CNTNAP3B: variants seen among roughly 807,000 people sequenced by gnomAD.
The protein encoded by CNTNAP3B is contactin-associated protein-like 3B.
CNTNAP3B carries 25 observed loss-of-function variants against 108.9 expected under a neutral mutation model. The observed-to-expected ratio is 0.23, with a 90% CI of 0.17 to 0.32. The LOEUF is 0.32. CNTNAP3B is among the 10% of genes least tolerant of loss of function. CNTNAP3B has a pLI of 1.00. For missense variants in CNTNAP3B, 252 were observed against 1,210.4 expected (o/e 0.21, Z 11.75); for synonymous variants, 103 against 473.4 (o/e 0.22, Z 10.16).
At chr9:41,927,600 T>C (rs1355531659) in intron 15 of CNTNAP3B, among the ~76,000 whole-genome samples, 3 of 146,718 alleles carry the variant, frequency 2.0e-5, no homozygotes, top group Non-Finnish European at 4.5e-5. Context: ...AGGAAGGAAA[T>C]TAAGAGAGAA....
intron 3 of CNTNAP3B, among the ~76,000 whole-genome samples, chr9:42,037,270 T>A: frequency 2.0e-5 from 2 of 99,690 alleles, no homozygotes; most frequent in African/African-American, 4.0e-5. Context: ...TAAAGTATAA[T>A]TAAAAAAAAA....
chr9:42,111,205 T>A (rs542422969), intron 1 of CNTNAP3B, among the ~76,000 whole-genome samples: 2 of 139,668 alleles, frequency 1.4e-5, no homozygotes, highest in African/African-American at 5.7e-5. Context: ...CCTGGGACTT[T>A]CGAATGAATA....
chr9:42,024,683 AAG>A (rs1491010268), intron 3 of CNTNAP3B, among the ~76,000 whole-genome samples: 9 of 124,074 alleles, frequency 7.3e-5, no homozygotes, highest in African/African-American at 2.1e-4. Flanking sequence ...AAAAAAAAAA[AAG>A]AAAAAAAAAC....
At chr9:41,930,108 G>T (rs1035087517) in intron 14 of CNTNAP3B, among the ~76,000 whole-genome samples, 2 of 152,274 alleles carry the variant, frequency 1.3e-5, no homozygotes, top group South Asian at 4.1e-4. Context: ...ATGATTACTG[G>T]GTATTTCTTT....
chr9:41,961,938 T>C (rs1406536835), intron 11 of CNTNAP3B, among the ~76,000 whole-genome samples: 1 of 152,310 alleles, frequency 6.6e-6, no homozygotes, highest in Non-Finnish European at 1.5e-5. Flanking sequence ...TTTAAATAGA[T>C]ACATATATTT....
At chr9:41,938,917 G>A (rs1824242519) in intron 13 of CNTNAP3B, among the ~76,000 whole-genome samples, 2 of 152,218 alleles carry the variant, frequency 1.3e-5, no homozygotes, top group African/African-American at 4.8e-5. Flanking sequence ...TGCATTGGAT[G>A]TCCTGACTCT....
chr9:41,921,099 T>C (rs1201933659), intron 17 of CNTNAP3B, among the ~76,000 whole-genome samples: 1 of 152,312 alleles, frequency 6.6e-6, no homozygotes, highest in Non-Finnish European at 1.5e-5. Flanking sequence ...TCCAATTCGG[T>C]GGGCCTAAGG....
chr9:42,119,371 G>A (rs1828404417), intron 1 of CNTNAP3B, among the ~76,000 whole-genome samples: 2 of 133,316 alleles, frequency 1.5e-5, no homozygotes, highest in Admixed American at 7.5e-5. Context: ...TCATGGGTAG[G>A]AAGAATCAGT....
In CNTNAP3B at chr9:41,983,711, T is replaced by G. The variant is rs1825675186; in HGVS notation, c.1477+2457A>C. On this transcript the variant is annotated intron_variant, in intron 9 of 23. Transcript: ENST00000377561. ...GGCATGGCTGCATTTTTCTGAGGAC[T>G]CCTATGTTATCATCCACTCAAGATA... 2 of 91,762 alleles carry G rather than the reference T, an allele frequency of 2.2e-5. 1 individual carries two copies. The highest frequency in any genetic ancestry group is 6.5e-4 in the South Asian group (2 of 3,100). The allele number at this position is 91,762 out of a possible 1,614,324, so 5.7% of individuals were successfully genotyped here. A position where few individuals can be genotyped will look rare whatever the true frequency, so the allele number is the denominator to read the frequency against.
chr9:42,129,199 C>G lies in CNTNAP3B; in HGVS notation c.-105G>C, dbSNP rs1240291317. 15 of 1,438,406 alleles carry G rather than the reference C, an allele frequency of 1.0e-5. 4 individuals carry two copies. The African/African-American group carries it at 1.7e-4, about 16-fold the overall frequency. 89.1% of individuals were successfully genotyped at this position (1,438,406 alleles called of 1,614,324 possible). On this transcript the variant is annotated 5_prime_UTR_variant, in exon 1 of 24. Transcript: ENST00000377561. The stretch of plus-strand genomic sequence containing the variant: ...ACTCCCGTCCCCTGCGCGGCTCCGA[C>G]GCTGCTCTGTCTCCCCTGTCCAGTC...
At chr9:41,933,526 G>A (rs1824044751) in intron 14 of CNTNAP3B, among the ~76,000 whole-genome samples, 1 of 152,246 alleles carries the variant, frequency 6.6e-6, no homozygotes. Flanking sequence ...TTACATTTTT[G>A]TTAATATTGC....
Position 42,096,113 on chromosome 9 carries a change from C to T in CNTNAP3B, c.196+8516G>A, listed in dbSNP as rs1242983491. On this transcript the variant is annotated intron_variant, in intron 2 of 23. Transcript: ENST00000377561. ...GGCCACCAGAGCTGCCGCAGGGCGT[C>T]CAGTCCTGTCACTGAATGTGCCGCA... 4.3e-5 allele frequency among the ~76,000 whole-genome samples: 6 copies of T among 140,084 alleles called. No individual in the cohort carries two copies. The East Asian group carries it at 1.3e-3, about 30-fold the overall frequency. The allele number at this position is 140,084 out of a possible 152,430, so 91.9% of individuals were successfully genotyped here.
intron 1 of CNTNAP3B, among the ~76,000 whole-genome samples, chr9:42,107,890 G>A (rs1296613536): frequency 7.9e-6 from 1 of 126,990 alleles, no homozygotes; most frequent in Admixed American, 8.0e-5. Context: ...CAGGAGAATC[G>A]CTTGAACCTG....
chr9:42,003,410 A>C (rs1053066263), intron 4 of CNTNAP3B, among the ~76,000 whole-genome samples: 2 of 88,370 alleles, frequency 2.3e-5, no homozygotes, highest in African/African-American at 7.6e-5. Context: ...AAAAAAAAAA[A>C]AACACGATTC....
Position 42,041,282 on chromosome 9 carries a change from C to T in CNTNAP3B, c.391-27757G>A, listed in dbSNP as rs1040135829. Reference sequence around the variant, plus strand: ...AGCTTCTGCATAGTAAAAGAAACTACCATCAGAGTGAACAGGCAACCTACA... The same window carrying T: ...AGCTTCTGCATAGTAAAAGAAACTATCATCAGAGTGAACAGGCAACCTACA... On this transcript the variant is annotated intron_variant, in intron 3 of 23. Transcript: ENST00000377561. Among the ~76,000 whole-genome samples the T allele has an allele frequency of 5.0e-4, 71 of 142,722 alleles. 1 individual carries two copies. Among genetic ancestry groups the T allele is most frequent in the Non-Finnish European group, 9.0e-4 (59 of 65,538 alleles). 93.6% of individuals were successfully genotyped at this position (142,722 alleles called of 152,430 possible).
At chr9:42,084,324 G>A (rs1374266210) in intron 2 of CNTNAP3B, among the ~76,000 whole-genome samples, 2 of 121,134 alleles carry the variant, frequency 1.7e-5, no homozygotes, top group African/African-American at 3.3e-5. Context: ...GATGGGTGAT[G>A]TGCAAATGGG....
intron 13 of CNTNAP3B, among the ~76,000 whole-genome samples, chr9:41,939,367 T>C (rs1824262137): frequency 6.6e-6 from 1 of 152,310 alleles, no homozygotes; most frequent in South Asian, 2.1e-4. Context: ...GTTGTTACCA[T>C]TGGAATATGA....
intron 13 of CNTNAP3B, among the ~76,000 whole-genome samples, chr9:41,944,665 A>G (rs1411658338): frequency 3.6e-4 from 55 of 151,710 alleles, no homozygotes; most frequent in African/African-American, 1.3e-3. Flanking sequence ...AAAGAGTTAC[A>G]ATATGGCAAA....
intron 3 of CNTNAP3B, among the ~76,000 whole-genome samples, chr9:42,054,705 C>T (rs1392261076): frequency 6.6e-6 from 1 of 151,880 alleles, no homozygotes; most frequent in African/African-American, 2.4e-5. Flanking sequence ...AAAAACACCA[C>T]TAAAATAAAT....
Sources: allele counts gnomAD v4.1 joint callset (sites outside exome capture counted in the v4.1 genomes callset), GRCh38; gene constraint gnomAD v4.1.1; transcripts MANE v1.5; gene names NCBI Gene and HGNC (gene_info 2026-07-23, HGNC 2026-07-21).